WDFY4: variants seen among roughly 807,000 people sequenced by gnomAD.
WDFY4 encodes WDFY family member 4, also known as WD repeat- and FYVE domain-containing protein 4.
WDFY4 carries 169 observed loss-of-function variants against 351.9 expected under a neutral mutation model. The observed-to-expected ratio is 0.48, with a 90% CI of 0.42 to 0.55. The LOEUF is 0.55. WDFY4 is among the 20% of genes least tolerant of loss of function. The probability of loss-of-function intolerance (pLI) is 0.00; values close to 1 mark genes in which losing one functional copy is unlikely to be tolerated. For missense variants in WDFY4, 3,803 were observed against 3,935.6 expected, an observed-to-expected ratio of 0.97 and a Z score of 0.90; for synonymous variants, 1,622 against 1,574.6, an observed-to-expected ratio of 1.03 and a Z score of -0.71.
At chr10:48,911,035 T>C (rs2133470752) in intron 47 of WDFY4, 1 of 358,860 alleles carries the variant, frequency 2.8e-6, no homozygotes, top group Middle Eastern at 1.4e-3. Context: ...GCACTGTCTG[T>C]CTCAATCATA....
chr10:48,692,808 C>T (rs2063230098), intron 1 of WDFY4, among the ~76,000 whole-genome samples: 1 of 152,224 alleles, frequency 6.6e-6, no homozygotes, highest in South Asian at 2.1e-4. Flanking sequence ...CTGTCTGCCT[C>T]ACTGTTCCAT....
chr10:48,819,406 A>G (rs139334822), intron 32 of WDFY4, among the ~76,000 whole-genome samples: 1 of 152,366 alleles, frequency 6.6e-6, no homozygotes, highest in African/African-American at 2.4e-5. Context: ...TAATGCAGTC[A>G]CTACCTCCCT....
At chr10:48,929,949 T>C (rs1839889952) in intron 47 of WDFY4, among the ~76,000 whole-genome samples, 1 of 152,100 alleles carries the variant, frequency 6.6e-6, no homozygotes, top group Non-Finnish European at 1.5e-5. Flanking sequence ...TCTCCTCCAA[T>C]AGCATCTGGC....
intron 22 of WDFY4, among the ~76,000 whole-genome samples, chr10:48,790,437 G>T (rs991460331): frequency 6.6e-6 from 1 of 152,242 alleles, no homozygotes; most frequent in East Asian, 1.9e-4. Flanking sequence ...AGGCTCAGGG[G>T]TCTGGCTCAT....
intron 39 of WDFY4, among the ~76,000 whole-genome samples, chr10:48,841,078 TA>T (rs1443762055): frequency 6.6e-6 from 1 of 152,220 alleles, no homozygotes; most frequent in African/African-American, 2.4e-5. Flanking sequence ...AGCATACAAT[TA>T]TATGCACAGG....
At chr10:48,897,346 C>A in intron 44 of WDFY4, 108 bp from the exon 45 acceptor site, 1 of 1,446,906 alleles carries the variant, frequency 6.9e-7, no homozygotes, top group Non-Finnish European at 9.3e-7. Flanking sequence ...TCTGATGTGT[C>A]ATTGGAAATG....
At chr10:48,974,830 C>A in intron 57 of WDFY4, 32 bp from the exon 58 acceptor site, 1 of 1,493,896 alleles carries the variant, frequency 6.7e-7, no homozygotes, top group South Asian at 1.3e-5. Context: ...AATTGAGGGT[C>A]CCTCTCCTAA....
chr10:48,873,359 G>A, intron 40 of WDFY4, 132 bp from the exon 41 acceptor site: 1 of 984,014 alleles, frequency 1.0e-6, no homozygotes, highest in South Asian at 1.8e-5. Flanking sequence ...CACATTCTGA[G>A]GGTGTAGAGA....
chr10:48,863,466 T>C (rs531280245), intron 39 of WDFY4, among the ~76,000 whole-genome samples: 46 of 152,344 alleles, frequency 3.0e-4, no homozygotes, highest in African/African-American at 1.1e-3. Context: ...TAAGCACCTT[T>C]TCACCTGCTT....
At chr10:48,840,214 A>G (rs1488778213) in intron 39 of WDFY4, among the ~76,000 whole-genome samples, 2 of 152,206 alleles carry the variant, frequency 1.3e-5, no homozygotes, top group African/African-American at 2.4e-5. Context: ...TCTTGCAGGC[A>G]GCCGTGCTTC....
chr10:48,819,945 GA>G (rs1172336557), intron 32 of WDFY4, among the ~76,000 whole-genome samples: 1 of 152,202 alleles, frequency 6.6e-6, no homozygotes, highest in Non-Finnish European at 1.5e-5. Context: ...TTGGAGATGT[GA>G]AGCAGCTTGC....
In WDFY4 at chr10:48,877,188, G is replaced by A. The variant is rs760807300; in HGVS notation, c.7156G>A (p.Asp2386Asn). 5 of 1,551,492 alleles carry A rather than the reference G, an allele frequency of 3.2e-6. No individual in the cohort carries two copies. In the South Asian group the frequency reaches 5.9e-5, roughly 18 times the overall value. The part of the protein sequence containing the change: ...ERQVILQELL[D>N]KEKVTQKFSL... Reference sequence around the variant, plus strand: ...ACAAGTTATTTTACAAGAGCTTCTTGATAAAGAAAAGGTAATATACCCCAT... The same window carrying A: ...ACAAGTTATTTTACAAGAGCTTCTTAATAAAGAAAAGGTAATATACCCCAT... The change falls in exon 43 of 62, where the codon GAT (aspartate) becomes AAT (asparagine). Residue 2386 changes from aspartate (D) to asparagine (N), a missense_variant. Physicochemically the swap from Asp to Asn is conservative, Grantham distance 23 (BLOSUM62 1). Around this residue, in one of 3 missense-constraint regions of WDFY4, gnomAD observed 3,054 missense variants for 3,148.6 expected, o/e 0.97. Coordinates refer to ENST00000325239, the MANE Select transcript of WDFY4 (RefSeq NM_001394531.1).
intron 39 of WDFY4, among the ~76,000 whole-genome samples, chr10:48,864,255 T>C (rs1207115569): frequency 6.6e-6 from 1 of 152,204 alleles, no homozygotes; most frequent in Non-Finnish European, 1.5e-5. Flanking sequence ...TAAGTTAATT[T>C]TTGTATGTTA....
Position 48,970,282 on chromosome 10 carries a change from T to C in WDFY4, c.8921T>C (p.Leu2974Pro). The C allele has an allele frequency of 6.4e-7, 1 of 1,550,626 alleles. No homozygotes were observed. The highest frequency in any genetic ancestry group is 8.7e-7 in the Non-Finnish European group (1 of 1,146,984). Residue 2974 changes from leucine to proline, a missense_variant, in exon 57 of 62, where the codon CTC becomes CCC. By Grantham distance (98) the Leu-to-Pro change is moderately conservative (BLOSUM62 -3). Around this residue, in one of 3 missense-constraint regions of WDFY4, gnomAD observed 3,054 missense variants for 3,148.6 expected, o/e 0.97. Coordinates refer to ENST00000325239, the MANE Select transcript of WDFY4 (RefSeq NM_001394531.1). ...AAAGGCCGCCCGAGGGGCTTGCGCC[T>C]CCGGCAGGTATGGTCCAGCTCGTGC... ...MTKGRPRGLR[L>P]RQALYGHTQA...
rs1382395901 is a variant in WDFY4, at chr10:48,803,315, G to A, written c.4440G>A (p.Glu1480=). The A allele has an allele frequency of 6.4e-7, 1 of 1,551,980 alleles. No individual in the cohort carries two copies. The highest frequency in any genetic ancestry group is 8.7e-7 in the Non-Finnish European group (1 of 1,147,052). The change falls in exon 25 of 62, where the codon GAG becomes GAA. Residue 1480 remains glutamate, a synonymous_variant. Transcript: ENST00000325239. ...ELWMNTADNL[E]LSLFSHLLEI... is the part of the protein sequence containing the mutation. ...GGATGAATACTGCAGACAATCTGGA[G>A]CTCAGCCTCTTTTCCCATCTTTTGG...
chr10:48,832,802 T>A, intron 39 of WDFY4, 93 bp downstream of exon 39: 1 of 1,398,426 alleles, frequency 7.2e-7, no homozygotes. Context: ...TTACTAGACA[T>A]GATCTAACTC....
In WDFY4 at chr10:48,974,900, A is replaced by G; in HGVS notation, c.8967A>G (p.Ala2989=). Residue 2989 remains alanine, a synonymous_variant, in exon 58 of 62, where the codon GCA becomes GCG. Transcript: ENST00000325239. ...YGHTQAVTCL[A]ASVTFSLLVS... is the part of the protein sequence containing the mutation. ...ACACACAGGCTGTCACGTGCCTGGC[A>G]GCGTCAGTCACCTTCAGCCTCCTGG... The G allele has an allele frequency of 6.4e-7, 1 of 1,550,816 alleles. No homozygotes were observed. The highest frequency in any genetic ancestry group is 1.4e-5 in the African/African-American group (1 of 73,148).
intron 37 of WDFY4, among the ~76,000 whole-genome samples, chr10:48,830,128 G>A (rs980351729): frequency 6.6e-6 from 1 of 152,220 alleles, no homozygotes; most frequent in Non-Finnish European, 1.5e-5. Flanking sequence ...GTGGGGCACA[G>A]CAGACACAGT....
At chr10:48,815,647 C>G (rs146714598) in intron 31 of WDFY4, among the ~76,000 whole-genome samples, 1 of 151,818 alleles carries the variant, frequency 6.6e-6, no homozygotes, top group African/African-American at 2.4e-5. Context: ...TTTGTAGAGA[C>G]GGGGATTCAT....
Sources: allele counts gnomAD v4.1 joint callset (sites outside exome capture counted in the v4.1 genomes callset), GRCh38; gene constraint gnomAD v4.1.1; regional missense constraint gnomAD v4.1.1; transcripts MANE v1.5; gene names NCBI Gene and HGNC (gene_info 2026-07-23, HGNC 2026-07-21).